VPS13B: variants seen among roughly 807,000 people sequenced by gnomAD.
VPS13B encodes the protein intermembrane lipid transfer protein VPS13B.
In VPS13B, 285 loss-of-function variants were observed where a neutral mutation model predicts 426.4. The ratio of observed to expected loss-of-function variants is 0.67; its 90% CI spans 0.61 to 0.74. VPS13B has a LOEUF of 0.74. Ranked by LOEUF, VPS13B falls within the 30% of genes least tolerant of loss-of-function variation. The pLI, the probability that VPS13B is intolerant of heterozygous loss-of-function variation, is 0.00. For missense variants in VPS13B, 4,537 were observed against 4,782.6 expected (o/e 0.95, Z 1.51); for synonymous variants, 1,676 against 1,676.4 (o/e 1.00, Z 0.01).
intron 59 of VPS13B, 114 bp from the exon 60 acceptor site, chr8:99,870,671 A>G (rs1817350779): frequency 1.1e-6 from 1 of 915,118 alleles, no homozygotes; most frequent in African/African-American, 1.6e-5. Flanking sequence ...AAGATGTGAC[A>G]TCATTTTGGA....
At chr8:99,798,722 T>G (rs1161568483) in intron 43 of VPS13B, among the ~76,000 whole-genome samples, 1 of 152,148 alleles carries the variant, frequency 6.6e-6, no homozygotes, top group Non-Finnish European at 1.5e-5. Context: ...AAATATAGCT[T>G]TGGAGAAAAA....
chr8:99,810,985 T>C (rs2130790194), intron 44 of VPS13B, among the ~76,000 whole-genome samples: 1 of 152,284 alleles, frequency 6.6e-6, no homozygotes, highest in South Asian at 2.1e-4. Context: ...CTAACTCCCA[T>C]CTGCCCTCAG....
intron 19 of VPS13B, among the ~76,000 whole-genome samples, chr8:99,331,344 C>T (rs185238352): frequency 6.6e-6 from 1 of 151,736 alleles, no homozygotes. Flanking sequence ...GTAGCTACTA[C>T]ATTGACAGGT....
chr8:99,465,164 T>C (rs928275547), intron 23 of VPS13B, among the ~76,000 whole-genome samples: 1 of 152,148 alleles, frequency 6.6e-6, no homozygotes, highest in Non-Finnish European at 1.5e-5. Flanking sequence ...TCTGAACATA[T>C]TTTATGGAGT....
At chr8:99,493,798 AAAAG>A (rs1406751899) in intron 25 of VPS13B, among the ~76,000 whole-genome samples, 50 of 149,010 alleles carry the variant, frequency 3.4e-4, no homozygotes, top group African/African-American at 8.4e-4. Context: ...AAAAAAAAAA[AAAAG>A]AAAAGAAAAA....
chr8:99,812,863 A>T (rs908415860), intron 44 of VPS13B, among the ~76,000 whole-genome samples: 2 of 152,172 alleles, frequency 1.3e-5, no homozygotes, highest in African/African-American at 4.8e-5. Context: ...TGATCTAATA[A>T]GAGTTCTGAA....
intron 55 of VPS13B, 75 bp from the exon 56 acceptor site, chr8:99,853,376 T>C: frequency 6.7e-7 from 1 of 1,496,256 alleles, no homozygotes; most frequent in Non-Finnish European, 9.3e-7. Flanking sequence ...AATAGGGTAC[T>C]GTCAATAAAA....
chr8:99,407,117 G>A (rs534069662), intron 21 of VPS13B, among the ~76,000 whole-genome samples: 9 of 152,174 alleles, frequency 5.9e-5, no homozygotes, highest in Non-Finnish European at 5.9e-5. Flanking sequence ...AGAATTGTCT[G>A]TAGGATGGAA....
At chr8:99,630,733 G>A (rs1828812589) in intron 33 of VPS13B, among the ~76,000 whole-genome samples, 1 of 151,970 alleles carries the variant, frequency 6.6e-6, no homozygotes, top group South Asian at 2.1e-4. Flanking sequence ...TTCTCATTGG[G>A]CAACTGTTTA....
intron 43 of VPS13B, among the ~76,000 whole-genome samples, chr8:99,795,562 A>G (rs1812761594): frequency 1.3e-5 from 2 of 152,226 alleles, no homozygotes; most frequent in African/African-American, 4.8e-5. Context: ...TTGAGTAGTT[A>G]AAGCAATAAG....
In VPS13B at chr8:99,830,784, G is replaced by A. The variant is rs193036044; in HGVS notation, c.9331-1585G>A. Among the ~76,000 whole-genome samples, 450 of 152,320 alleles carry A rather than the reference G, an allele frequency of 3.0e-3. 1 individual carries two copies. The highest frequency in any genetic ancestry group is 9.2e-3 in the African/African-American group (384 of 41,576). On this transcript the variant is annotated intron_variant, in intron 51 of 61. Coordinates refer to ENST00000357162, the MANE Select transcript of VPS13B (RefSeq NM_152564.5). Reference sequence around the variant, plus strand: ...GGGTTGCAAAGACCCTGGGAAAAGCGTAGTATCTGGGCTAGATAGCACCAT... The same window carrying A: ...GGGTTGCAAAGACCCTGGGAAAAGCATAGTATCTGGGCTAGATAGCACCAT...
chr8:99,865,882 G>A (rs1439825146), intron 58 of VPS13B, among the ~76,000 whole-genome samples: 4 of 152,236 alleles, frequency 2.6e-5, no homozygotes, highest in Non-Finnish European at 4.4e-5. Context: ...CCATAGCCCA[G>A]TGACCAAGTA....
chr8:99,220,779 TC>T (rs933918125), intron 17 of VPS13B, among the ~76,000 whole-genome samples: 1 of 91,716 alleles, frequency 1.1e-5, no homozygotes, highest in Non-Finnish European at 2.2e-5. Context: ...TTAGTTTTAT[TC>T]TTTTTTTTTT....
At chr8:99,591,864 T>C (rs995539660) in intron 33 of VPS13B, among the ~76,000 whole-genome samples, 6 of 152,102 alleles carry the variant, frequency 3.9e-5, no homozygotes, top group Admixed American at 2.0e-4. Flanking sequence ...ATCTTTGTGG[T>C]GTTCTCTATA....
intron 23 of VPS13B, among the ~76,000 whole-genome samples, chr8:99,466,740 C>T (rs187383521): frequency 2.7e-4 from 41 of 152,152 alleles, no homozygotes; most frequent in Middle Eastern, 3.4e-3. Context: ...CATGCTGGGT[C>T]GTACCATCAG....
chr8:99,079,664 G>A (rs1437307876), intron 3 of VPS13B, among the ~76,000 whole-genome samples: 7 of 151,918 alleles, frequency 4.6e-5, no homozygotes, highest in South Asian at 2.1e-4. Context: ...ATATAAAATT[G>A]TTTTTTTAGG....
Position 99,556,612 on chromosome 8 carries a change from G to A in VPS13B, c.4908G>A (p.Arg1636=), listed in dbSNP as rs765924507. 33 of 1,613,076 alleles carry A rather than the reference G, an allele frequency of 2.0e-5. No homozygotes were observed. The East Asian group carries it at 6.0e-4, about 29-fold the overall frequency. Residue 1636 remains arginine (R), a synonymous_variant, in exon 31 of 62, where the codon AGG becomes AGA. Coordinates refer to ENST00000357162, the MANE Select transcript of VPS13B (RefSeq NM_152564.5). The stretch of plus-strand genomic sequence containing the variant: ...GAGGGGTGGTAACAGAGACTGAAAG[G>A]AATTCTCAAAATCCAGCCCTTGAGT... ...VSGGVVTETE[R]NSQNPALEWN...
chr8:99,038,832 G>A (rs1223199510), intron 3 of VPS13B, among the ~76,000 whole-genome samples: 1 of 151,526 alleles, frequency 6.6e-6, no homozygotes, highest in Non-Finnish European at 1.5e-5. Flanking sequence ...GACTACAGGT[G>A]TGCGCCACCA....
intron 5 of VPS13B, among the ~76,000 whole-genome samples, chr8:99,103,842 C>A (rs1405731583): frequency 6.6e-6 from 1 of 152,026 alleles, no homozygotes; most frequent in Admixed American, 6.6e-5. Flanking sequence ...TGCCACATTG[C>A]CCAGGTTGGT....
Sources: gnomAD v4.1 joint callset for allele counts (sites outside exome capture counted in the v4.1 genomes callset) on GRCh38, gnomAD v4.1.1 for gene constraint, MANE v1.5 for transcripts, NCBI Gene and HGNC (gene_info 2026-07-23, HGNC 2026-07-21) for gene names.